UBXN2A: variants seen among roughly 807,000 people sequenced by gnomAD.
The protein encoded by UBXN2A is UBX domain-containing protein 2A.
Under a neutral mutation model 28.4 loss-of-function variants are expected in UBXN2A, and 28 were observed. The ratio of observed to expected loss-of-function variants is 0.99; its 90% CI spans 0.73 to 1.35. The LOEUF (loss-of-function observed/expected upper bound fraction) is 1.35, where lower values mean the gene tolerates loss of function less well. Among genes scored for constraint, UBXN2A ranks in the 40% most tolerant of loss-of-function variants. The probability of loss-of-function intolerance (pLI) is 0.00; values close to 1 mark genes in which losing one functional copy is unlikely to be tolerated. For missense variants in UBXN2A, 253 were observed against 297.9 expected (o/e 0.85, Z 1.11); for synonymous variants, 97 against 103.6 (o/e 0.94, Z 0.39).
upstream of UBXN2A, among the ~76,000 whole-genome samples, chr2:23,939,375 G>C (rs1340688964): frequency 2.0e-5 from 3 of 152,194 alleles, no homozygotes; most frequent in Non-Finnish European, 4.4e-5. Context: ...CTCCAACCAT[G>C]AGATCTGCAG....
intron 3 of UBXN2A, among the ~76,000 whole-genome samples, chr2:23,972,908 A>G (rs1483998823): frequency 6.6e-6 from 1 of 152,226 alleles, no homozygotes; most frequent in African/African-American, 2.4e-5. Flanking sequence ...AATGTGAAGT[A>G]TACATAAAGT....
intron 4 of UBXN2A, among the ~76,000 whole-genome samples, chr2:23,981,322 A>C (rs62977660): frequency 4.8e-5 from 7 of 145,818 alleles, no homozygotes; most frequent in African/African-American, 1.2e-4. Flanking sequence ...AAAAAAAAAA[A>C]CCTAAAAAAA....
intron 1 of UBXN2A, among the ~76,000 whole-genome samples, chr2:23,955,772 T>A (rs1318205266): frequency 6.6e-6 from 1 of 152,236 alleles, no homozygotes; most frequent in Non-Finnish European, 1.5e-5. Context: ...TATACTGTTA[T>A]AATCTTATGG....
chr2:23,935,543 A>C (rs1381572840), upstream of UBXN2A, among the ~76,000 whole-genome samples: 1 of 152,184 alleles, frequency 6.6e-6, no homozygotes, highest in Non-Finnish European at 1.5e-5. Flanking sequence ...AGTGAGATAC[A>C]CTTCATACTC....
Position 23,990,851 on chromosome 2 carries a change from G to A in UBXN2A, c.584+6020G>A, listed in dbSNP as rs1326960843. Among the ~76,000 whole-genome samples, 6 of 151,772 alleles carry A rather than the reference G, an allele frequency of 4.0e-5. No homozygotes were observed. In the East Asian group the frequency reaches 7.7e-4, roughly 19 times the overall value. On this transcript the variant is annotated intron_variant, in intron 6 of 6. Coordinates refer to ENST00000309033, the MANE Select transcript of UBXN2A (RefSeq NM_181713.4). ...CCCAAAAACATAATGTAGAGATAAAGCTATAGAACACATACACTATGATTC... is the reference window on the plus strand; with the variant it reads ...CCCAAAAACATAATGTAGAGATAAAACTATAGAACACATACACTATGATTC...
At chr2:23,966,491 T>A (rs183601545) in intron 2 of UBXN2A, among the ~76,000 whole-genome samples, 3 of 149,446 alleles carry the variant, frequency 2.0e-5, no homozygotes, top group Admixed American at 6.7e-5. Context: ...CTCGCTCTGT[T>A]GCCCAGGCTG....
intron 1 of UBXN2A, among the ~76,000 whole-genome samples, chr2:23,929,144 A>G (rs1457281226): frequency 2.0e-5 from 3 of 152,070 alleles, no homozygotes. Context: ...AGAGAGAGAG[A>G]CAGGGTCTCA....
intron 1 of UBXN2A, among the ~76,000 whole-genome samples, chr2:23,941,095 C>T (rs758630989): frequency 6.6e-6 from 1 of 152,138 alleles, no homozygotes; most frequent in African/African-American, 2.4e-5. Context: ...GCCTGGTGTT[C>T]GCTGATTTCA....
At chr2:23,962,942 A>G (rs1706999455) in intron 2 of UBXN2A, among the ~76,000 whole-genome samples, 1 of 152,188 alleles carries the variant, frequency 6.6e-6, no homozygotes, top group Admixed American at 6.6e-5. Context: ...ACAGTTCCGC[A>G]TGGCTGGGGA....
intron 1 of UBXN2A, among the ~76,000 whole-genome samples, 161 bp downstream of exon 1, chr2:23,940,809 G>A (rs1042710504): frequency 2.0e-5 from 3 of 152,048 alleles, no homozygotes; most frequent in African/African-American, 7.2e-5. Context: ...TGCGACTCGG[G>A]AAGGGGCGCC....
chr2:23,952,296 C>T (rs928329521), intron 1 of UBXN2A, among the ~76,000 whole-genome samples: 1 of 151,822 alleles, frequency 6.6e-6, no homozygotes, highest in East Asian at 1.9e-4. Context: ...GACGGTCTCC[C>T]TCTGTTGCCC....
intron 6 of UBXN2A, among the ~76,000 whole-genome samples, chr2:23,992,058 G>A (rs1032237372): frequency 2.6e-5 from 4 of 152,080 alleles, no homozygotes; most frequent in African/African-American, 9.7e-5. Context: ...TGCAACCTCC[G>A]CCTCCCTGGT....
intron 5 of UBXN2A, among the ~76,000 whole-genome samples, chr2:23,984,016 G>A (rs920141911): frequency 5.9e-5 from 9 of 152,098 alleles, no homozygotes; most frequent in Non-Finnish European, 1.2e-4. Context: ...GCAACATTTT[G>A]TTCTGTGATC....
At chr2:23,984,435 GTAA>G (rs1708040876) in intron 5 of UBXN2A, among the ~76,000 whole-genome samples, 1 of 152,008 alleles carries the variant, frequency 6.6e-6, no homozygotes, top group Admixed American at 6.6e-5. Flanking sequence ...AATAATACCA[GTAA>G]TAATATATGT....
intron 2 of UBXN2A, among the ~76,000 whole-genome samples, chr2:23,963,468 T>A (rs151256400): frequency 0.028 from 3,862 of 136,078 alleles, 67 homozygotes; most frequent in Non-Finnish European, 0.041. Context: ...TGAGACAGTG[T>A]CTCAAAAAAA....
chr2:23,985,602 GTT>G (rs34825489), intron 6 of UBXN2A, among the ~76,000 whole-genome samples: 2 of 144,364 alleles, frequency 1.4e-5, no homozygotes. Flanking sequence ...TGTCTAGACA[GTT>G]TTTTTTTTTT....
At chr2:23,979,578 G>C (rs1373780738) in intron 4 of UBXN2A, among the ~76,000 whole-genome samples, 1 of 151,906 alleles carries the variant, frequency 6.6e-6, no homozygotes, top group East Asian at 1.9e-4. Flanking sequence ...AATTGTTCTT[G>C]GCAACATAGA....
In UBXN2A at chr2:24,004,700, T is replaced by C. The variant is rs1015909350; in HGVS notation, c.*4833T>C. ...ACATATCTAATGTTACAGATTGTGG[T>C]TTATTGGTTAATTACTATGCATTTT... is the stretch of plus-strand genomic sequence containing the variant. On this transcript the variant is annotated 3_prime_UTR_variant, in exon 7 of 7. Transcript: ENST00000309033. The C allele has an allele frequency of 6.6e-6, 1 of 152,192 alleles. No individual in the cohort carries two copies. The highest frequency in any genetic ancestry group is 2.4e-5 in the African/African-American group (1 of 41,444). 9.4% of individuals were successfully genotyped at this position (152,192 alleles called of 1,614,324 possible). A position where few individuals can be genotyped will look rare whatever the true frequency, so the allele number is the denominator to read the frequency against.
At chr2:23,940,262 T>C (rs1705678684), upstream of UBXN2A, among the ~76,000 whole-genome samples, 1 of 151,980 alleles carries the variant, frequency 6.6e-6, no homozygotes, top group African/African-American at 2.4e-5. Flanking sequence ...CTGGGTTCTC[T>C]GGTGAGCACA....
Sources: gnomAD v4.1 joint callset for allele counts (sites outside exome capture counted in the v4.1 genomes callset) on GRCh38, gnomAD v4.1.1 for gene constraint, MANE v1.5 for transcripts, NCBI Gene and HGNC (gene_info 2026-07-23, HGNC 2026-07-21) for gene names.